ANKS1B: variants seen among roughly 807,000 people sequenced by gnomAD.
ANKS1B encodes ankyrin repeat and sterile alpha motif domain containing 1B, also known as ankyrin repeat and sterile alpha motif domain-containing protein 1B.
ANKS1B carries 36 observed loss-of-function variants against 148.3 expected under a neutral mutation model. The observed-to-expected ratio is 0.24, with a 90% CI of 0.19 to 0.32. The LOEUF is 0.32. Ranked by LOEUF, ANKS1B falls within the 10% of genes least tolerant of loss-of-function variation. ANKS1B has a pLI of 1.00. For missense variants in ANKS1B, 1,157 were observed against 1,542.6 expected, an observed-to-expected ratio of 0.75 and a Z score of 4.19; for synonymous variants, 542 against 560.8, an observed-to-expected ratio of 0.97 and a Z score of 0.47.
intron 17 of ANKS1B, among the ~76,000 whole-genome samples, chr12:98,964,455 C>G (rs2099876062): frequency 6.6e-6 from 1 of 152,176 alleles, no homozygotes; most frequent in South Asian, 2.1e-4. Flanking sequence ...GGTATATACC[C>G]AAAAGAAAGG....
intron 14 of ANKS1B, among the ~76,000 whole-genome samples, chr12:99,231,469 C>T (rs2638568): frequency 0.83 from 125,743 of 152,054 alleles, 52,362 homozygotes; most frequent in East Asian, 1. Flanking sequence ...GCTACTTATT[C>T]TTCTGAGCTC....
At chr12:99,262,834 G>A (rs1455843185) in intron 12 of ANKS1B, among the ~76,000 whole-genome samples, 2 of 151,804 alleles carry the variant, frequency 1.3e-5, no homozygotes, top group East Asian at 1.9e-4. Context: ...TTTTTATAAA[G>A]TACATTTGGT....
At chr12:99,677,121 G>T (rs1567622452) in intron 8 of ANKS1B, among the ~76,000 whole-genome samples, 1 of 152,126 alleles carries the variant, frequency 6.6e-6, no homozygotes, top group Non-Finnish European at 1.5e-5. Context: ...ATATTTCAAA[G>T]GGCTTATAAA....
chr12:99,128,892 G>C (rs1239288992), intron 15 of ANKS1B, among the ~76,000 whole-genome samples: 1 of 152,204 alleles, frequency 6.6e-6, no homozygotes, highest in Non-Finnish European at 1.5e-5. Context: ...CCAAAAGACA[G>C]AACATCCTGG....
intron 9 of ANKS1B, among the ~76,000 whole-genome samples, chr12:99,649,039 G>C (rs1373084586): frequency 6.6e-6 from 1 of 152,108 alleles, no homozygotes; most frequent in Admixed American, 6.6e-5. Flanking sequence ...ATCCACAGCT[G>C]TTCATTTTAT....
At position 99,205,098 on chromosome 12, in the gene ANKS1B, C is replaced by T. The variant is rs2082490166; in HGVS notation, c.2419+39244G>A. 2.0e-5 allele frequency among the ~76,000 whole-genome samples: 3 copies of T among 152,176 alleles called. No homozygotes were observed. The South Asian group carries it at 6.2e-4, about 32-fold the overall frequency. ...AAAAACAAACCAAAATGGAGTCACT[C>T]ATGCTAAAGTTCCACATCACCAAGC... is the stretch of plus-strand genomic sequence containing the variant. On this transcript the variant is annotated intron_variant, in intron 14 of 26. Transcript: ENST00000683438.
intron 17 of ANKS1B, among the ~76,000 whole-genome samples, chr12:98,975,243 T>G (rs2099892256): frequency 7.3e-6 from 1 of 137,810 alleles, no homozygotes; most frequent in Admixed American, 7.2e-5. Flanking sequence ...CTTCCTTCCT[T>G]CCTTCTTTCT....
chr12:99,693,873 C>T lies in ANKS1B; in HGVS notation c.1129-38663G>A, dbSNP rs527971826. ...TCAGCTCACTGCAAGCTCTGCCTCCCGGGTTCACGCCATTCTCCTGCCTCA... is the reference window on the plus strand; with the variant it reads ...TCAGCTCACTGCAAGCTCTGCCTCCTGGGTTCACGCCATTCTCCTGCCTCA... On this transcript the variant is annotated intron_variant, in intron 8 of 26. Transcript: ENST00000683438. Among the ~76,000 whole-genome samples the T allele has an allele frequency of 4.6e-5, 7 of 151,166 alleles. No homozygotes were observed. The South Asian group carries it at 6.3e-4, about 14-fold the overall frequency.
rs1390603426 is a variant in ANKS1B at position 99,806,406 on chromosome 12, G to C, written c.667C>G (p.Gln223Glu). 1 of 1,613,520 alleles carries C rather than the reference G, an allele frequency of 6.2e-7. No homozygotes were observed. The highest frequency in any genetic ancestry group is 1.7e-5 in the Admixed American group (1 of 60,016). ...AGCATAGCTAAAAGCACACTCACTTGACAGCTCACATCCATTCCTGCCTCC... is the reference window on the plus strand; with the variant it reads ...AGCATAGCTAAAAGCACACTCACTTCACAGCTCACATCCATTCCTGCCTCC... ...LLEAGMDVSC[Q>E]TEKGSALHEA... The change falls in exon 4 of 27, where the codon CAA becomes GAA. Residue 223 changes from glutamine (Q) to glutamate (E), a missense_variant and splice_region_variant. Coordinates refer to ENST00000683438, the MANE Select transcript of ANKS1B (RefSeq NM_001352186.2).
chr12:99,778,788 A>T (rs1017168057), intron 6 of ANKS1B, among the ~76,000 whole-genome samples: 3 of 152,208 alleles, frequency 2.0e-5, no homozygotes, highest in Admixed American at 2.0e-4. Flanking sequence ...AAGAGAGCAT[A>T]ATGGCCACAT....
intron 17 of ANKS1B, among the ~76,000 whole-genome samples, chr12:98,947,814 C>T (rs2099847707): frequency 6.6e-6 from 1 of 152,164 alleles, no homozygotes; most frequent in Non-Finnish European, 1.5e-5. Context: ...TCTTCTGCTG[C>T]TAGATGTGAT....
At chr12:99,493,307 T>A (rs2096572115) in intron 10 of ANKS1B, among the ~76,000 whole-genome samples, 2 of 152,332 alleles carry the variant, frequency 1.3e-5, no homozygotes, top group South Asian at 2.1e-4. Context: ...GTTTTAAGAT[T>A]ACTTTGACTG....
chr12:99,604,998 C>A (rs1470636330), intron 9 of ANKS1B, among the ~76,000 whole-genome samples: 1 of 151,698 alleles, frequency 6.6e-6, no homozygotes, highest in Non-Finnish European at 1.5e-5. Context: ...GTTTCCTAGG[C>A]CAATTACATA....
At chr12:99,525,683 T>G (rs905931194) in intron 9 of ANKS1B, among the ~76,000 whole-genome samples, 1 of 152,190 alleles carries the variant, frequency 6.6e-6, no homozygotes, top group Admixed American at 6.5e-5. Context: ...GAATTACTAC[T>G]GCATTCCTTA....
At chr12:99,339,502 G>C (rs1222401695) in intron 12 of ANKS1B, among the ~76,000 whole-genome samples, 1 of 152,068 alleles carries the variant, frequency 6.6e-6, no homozygotes, top group East Asian at 1.9e-4. Context: ...CCTAAATTTT[G>C]GTTGTTATAA....
At chr12:99,750,440 T>C (rs10860507) in intron 8 of ANKS1B, among the ~76,000 whole-genome samples, 31,989 of 152,036 alleles carry the variant, frequency 0.21, 3,574 homozygotes, top group Middle Eastern at 0.25. Context: ...AGGAAAAGCT[T>C]GTATAAATGA....
intron 17 of ANKS1B, among the ~76,000 whole-genome samples, chr12:98,836,334 C>A (rs1318620282): frequency 1.3e-5 from 2 of 152,156 alleles, no homozygotes; most frequent in African/African-American, 2.4e-5. Context: ...GGGCAGGTAC[C>A]TCACAGTATT....
At position 98,745,259 on chromosome 12, in the gene ANKS1B, G is replaced by A. The variant is rs1013051576; in HGVS notation, c.*480C>T. On this transcript the variant is annotated 3_prime_UTR_variant, in exon 27 of 27. Coordinates refer to ENST00000683438, the MANE Select transcript of ANKS1B (RefSeq NM_001352186.2). ...CCTTTTGCATTAAACGATACTCAAT[G>A]ATAGAATGATTTTACAGATGCTTTG... is the stretch of plus-strand genomic sequence containing the variant. 2 of 985,324 alleles carry A rather than the reference G, an allele frequency of 2.0e-6. No individual in the cohort carries two copies. Among genetic ancestry groups the A allele is most frequent in the African/African-American group, 3.5e-5 (2 of 57,050 alleles). 61.0% of individuals were successfully genotyped at this position (985,324 alleles called of 1,614,324 possible).
chr12:98,934,595 ATGAACAT>A (rs1482958613), intron 17 of ANKS1B, among the ~76,000 whole-genome samples: 1 of 152,132 alleles, frequency 6.6e-6, no homozygotes, highest in Non-Finnish European at 1.5e-5. Context: ...CTTCCAATCC[ATGAACAT>A]TTGATATCTT....
Sources: allele counts gnomAD v4.1 joint callset (sites outside exome capture counted in the v4.1 genomes callset), GRCh38; gene constraint gnomAD v4.1.1; transcripts MANE v1.5; gene names NCBI Gene and HGNC (gene_info 2026-07-23, HGNC 2026-07-21).